The following LRRC31 variants were observed in gnomAD, a reference collection of about 807,000 sequenced individuals.
The protein encoded by LRRC31 is leucine rich repeat containing 31.
LRRC31 carries 35 observed loss-of-function variants against 46.7 expected under a neutral mutation model. The ratio of observed to expected loss-of-function variants is 0.75; its 90% confidence interval spans 0.57 to 0.99. The LOEUF (loss-of-function observed/expected upper bound fraction) is 0.99, where lower values mean the gene tolerates loss of function less well. Among genes scored for constraint, LRRC31 ranks in the 50% least tolerant of loss-of-function variants. The pLI, the probability that LRRC31 is intolerant of heterozygous loss-of-function variation, is 0.00. For missense variants in LRRC31, 613 were observed against 626.1 expected (o/e 0.98, Z 0.22); for synonymous variants, 236 against 235.1 (o/e 1.00, Z -0.03).
At position 169,845,996 on chromosome 3, in the gene LRRC31, C is replaced by T. The variant is rs1006773322; in HGVS notation, c.1327+2124G>A. Among the ~76,000 whole-genome samples, 8 of 152,228 alleles carry T rather than the reference C, an allele frequency of 5.3e-5. No homozygotes were observed. In the South Asian group the frequency reaches 6.2e-4, roughly 12 times the overall value. On this transcript the variant is annotated intron_variant, in intron 8 of 8. Transcript: ENST00000316428. ...TGTATTCAGAAAAATCTAAAAAACT[C>T]TCCAAACTCATCAATAAGAAAACAA... is the stretch of plus-strand genomic sequence containing the variant.
chr3:169,868,891 G>A (rs1781408418), intron 1 of LRRC31, among the ~76,000 whole-genome samples: 1 of 152,002 alleles, frequency 6.6e-6, no homozygotes, highest in Non-Finnish European at 1.5e-5. Context: ...CATAGAGGCT[G>A]GGAAGGGTGT....
Position 169,860,690 on chromosome 3 carries a change from C to T in LRRC31, c.358G>A (p.Asp120Asn), listed in dbSNP as rs1214830505. 1.2e-6 allele frequency: 2 copies of T among 1,613,948 alleles called. No homozygotes were observed. The highest frequency in any genetic ancestry group is 1.7e-6 in the Non-Finnish European group (2 of 1,179,990). ...LPFLPDLEEL[D>N]ISWNGFVGGT... The stretch of plus-strand genomic sequence containing the variant: ...CCTACAAAACCATTCCAGGAGATAT[C>T]CAGTTCTTCCAAGTCTGGGAGAAAA... The change falls in exon 3 of 9, where the codon GAT becomes AAT. Residue 120 changes from aspartate (D) to asparagine (N), a missense_variant. Asp to Asn is a conservative substitution (Grantham distance 23). Transcript: ENST00000316428.
chr3:169,857,010 G>A (rs1189119726), intron 3 of LRRC31, 138 bp from the exon 4 acceptor site: 9 of 693,340 alleles, frequency 1.3e-5, no homozygotes, highest in East Asian at 8.8e-5. Context: ...GAGGAACAGA[G>A]AGAAGGAAAG....
chr3:169,865,619 C>G (rs150324233), intron 1 of LRRC31, among the ~76,000 whole-genome samples: 87 of 152,256 alleles, frequency 5.7e-4, no homozygotes, highest in Non-Finnish European at 9.4e-4. Context: ...CAAAGAGCTG[C>G]CTGTTTAATG....
At chr3:169,841,787 C>G (rs943769343) in intron 8 of LRRC31, among the ~76,000 whole-genome samples, 7 of 152,084 alleles carry the variant, frequency 4.6e-5, no homozygotes, top group Non-Finnish European at 1.0e-4. Flanking sequence ...TGGCTCACAC[C>G]TGTAATACCA....
chr3:169,857,934 G>T (rs80178437), intron 3 of LRRC31, among the ~76,000 whole-genome samples: 1 of 152,044 alleles, frequency 6.6e-6, no homozygotes, highest in East Asian at 1.9e-4. Context: ...CAGTCAATTG[G>T]GGGTGACTTT....
chr3:169,840,919 G>C (rs192696401), intron 8 of LRRC31, among the ~76,000 whole-genome samples: 92 of 152,264 alleles, frequency 6.0e-4, no homozygotes, highest in Middle Eastern at 3.4e-3. Context: ...ATGAAATAAA[G>C]ACTTCTGTAA....
chr3:169,847,543 T>A (rs1780642685), intron 8 of LRRC31, among the ~76,000 whole-genome samples: 1 of 152,218 alleles, frequency 6.6e-6, no homozygotes, highest in African/African-American at 2.4e-5. Flanking sequence ...CAAAAGTTAT[T>A]CCTTATTCAA....
intron 6 of LRRC31, chr3:169,853,435 G>A (rs1348170207): frequency 9.1e-6 from 9 of 985,314 alleles, no homozygotes; most frequent in Non-Finnish European, 1.1e-5. Flanking sequence ...CAGTGGCTGT[G>A]AACCTAGGTA....
At chr3:169,867,448 T>G (rs1301846965) in intron 1 of LRRC31, among the ~76,000 whole-genome samples, 1 of 151,944 alleles carries the variant, frequency 6.6e-6, no homozygotes, top group Non-Finnish European at 1.5e-5. Context: ...TAATAGAGAC[T>G]GGGTTTTACC....
At chr3:169,861,086 T>TTC (rs1781137493) in intron 2 of LRRC31, among the ~76,000 whole-genome samples, 1 of 150,414 alleles carries the variant, frequency 6.6e-6, no homozygotes, top group African/African-American at 2.4e-5. Context: ...TTTTTTTTTT[T>TTC]TTCAGACGGA....
At chr3:169,854,553 C>A (rs1471260328) in intron 6 of LRRC31, among the ~76,000 whole-genome samples, 2 of 152,060 alleles carry the variant, frequency 1.3e-5, no homozygotes, top group African/African-American at 4.8e-5. Flanking sequence ...TTCTAAACAG[C>A]AACATAAATT....
chr3:169,861,700 C>G lies in LRRC31; in HGVS notation c.289G>C (p.Gly97Arg), dbSNP rs1781165868. The G allele has an allele frequency of 1.2e-6, 2 of 1,614,018 alleles. No individual in the cohort carries two copies. The highest frequency in any genetic ancestry group is 1.7e-5 in the Admixed American group (1 of 60,002). The change falls in exon 2 of 9, where the codon GGA becomes CGA. Residue 97 changes from glycine (G) to arginine (R), a missense_variant. Gly to Arg is a moderately radical substitution (Grantham distance 125, BLOSUM62 -2). Coordinates refer to ENST00000316428, the MANE Select transcript of LRRC31 (RefSeq NM_024727.4). ...VNKCLDLNNC[G>R]LTTADMKEMV... The stretch of plus-strand genomic sequence containing the variant: ...TCTTTCATGTCCGCTGTTGTTAATC[C>G]ACAGTTATTCAAATCTAGACACTTG...
At chr3:169,852,153 CT>C (rs1780796744) in intron 6 of LRRC31, among the ~76,000 whole-genome samples, 1 of 151,676 alleles carries the variant, frequency 6.6e-6, no homozygotes, top group African/African-American at 2.4e-5. Flanking sequence ...AATCCCAGCA[CT>C]TTGGGAGGCT....
chr3:169,866,046 C>T (rs1030488177), intron 1 of LRRC31, among the ~76,000 whole-genome samples: 3 of 152,048 alleles, frequency 2.0e-5, no homozygotes, highest in Admixed American at 2.0e-4. Flanking sequence ...ATCCAATATC[C>T]AACTGATCAC....
chr3:169,857,318 CTATATATATATATATATATA>C (rs34162537), intron 3 of LRRC31, among the ~76,000 whole-genome samples: 1 of 66,466 alleles, frequency 1.5e-5, no homozygotes, highest in East Asian at 7.5e-4. Flanking sequence ...TATCACATGC[CTATATATATATATATATATA>C]TATATATACA....
rs760486211 is a variant in LRRC31 at position 169,840,032 on chromosome 3, C to T, written c.1609G>A (p.Asp537Asn). Residue 537 changes from aspartate to asparagine, a missense_variant, in exon 9 of 9, where the codon GAC (aspartate) becomes AAC (asparagine). By Grantham distance (23) the Asp-to-Asn change is conservative (BLOSUM62 1). Transcript: ENST00000316428. ...TGAATGCTTCTTTTTTTATCTTGGTCAAAGCATTCTAGTTCTTCCTCCTGT... is the reference window on the plus strand; with the variant it reads ...TGAATGCTTCTTTTTTTATCTTGGTTAAAGCATTCTAGTTCTTCCTCCTGT... ...ASQEEELECFDQDKKRSIHFD... is the reference protein window; with the variant it reads ...ASQEEELECFNQDKKRSIHFD... The T allele has an allele frequency of 9.9e-6, 16 of 1,613,768 alleles. No homozygotes were observed. The East Asian group carries it at 3.6e-4, about 36-fold the overall frequency.
intron 8 of LRRC31, 26 bp downstream of exon 8, chr3:169,848,093 AC>A: frequency 6.3e-7 from 1 of 1,598,744 alleles, no homozygotes. Flanking sequence ...GTTTGCCAAG[AC>A]CGCTTGGGAA....
At chr3:169,861,570 C>T (rs1576799915) in intron 2 of LRRC31, 100 bp downstream of exon 2, 2 of 1,243,870 alleles carry the variant, frequency 1.6e-6, no homozygotes, top group East Asian at 4.8e-5. Context: ...GACCACTCAG[C>T]AGACTTGGGG....
Sources: allele counts gnomAD v4.1 joint callset (sites outside exome capture counted in the v4.1 genomes callset), GRCh38; gene constraint gnomAD v4.1.1; transcripts MANE v1.5; gene names NCBI Gene and HGNC (gene_info 2026-07-23, HGNC 2026-07-21).